The following PIWIL2 variants were observed in gnomAD, a reference collection of about 807,000 sequenced individuals.
PIWIL2 encodes piwi-like protein 2.
PIWIL2 carries 81 observed loss-of-function variants against 116.5 expected under a neutral mutation model. The ratio of observed to expected loss-of-function variants is 0.70; its 90% CI spans 0.58 to 0.84. The LOEUF (loss-of-function observed/expected upper bound fraction) is 0.84, where lower values mean the gene tolerates loss of function less well. PIWIL2 is among the 40% of genes least tolerant of loss of function. The pLI is 0.00. For missense variants in PIWIL2, 1,272 were observed against 1,212.3 expected, an observed-to-expected ratio of 1.05 and a Z score of -0.73; for synonymous variants, 489 against 429.5, an observed-to-expected ratio of 1.14 and a Z score of -1.71.
chr8:22,303,899 C>A, intron 10 of PIWIL2, 122 bp from the exon 11 acceptor site: 1 of 547,906 alleles, frequency 1.8e-6, no homozygotes, highest in Non-Finnish European at 3.1e-6. Context: ...TCTTTTAACA[C>A]AACTGGAGCC....
At chr8:22,294,237 C>T (rs769410933) in intron 10 of PIWIL2, among the ~76,000 whole-genome samples, 18 of 146,826 alleles carry the variant, frequency 1.2e-4, no homozygotes, top group Non-Finnish European at 1.8e-4. Flanking sequence ...ACTTAGGAGG[C>T]GGAGGCACGA....
chr8:22,355,798 G>T lies in PIWIL2; in HGVS notation c.*293G>T. ...GGGACCATTAAGACCTCCAGACCGGGTGCGGTGGTTCACACCTGTAATCCA... is the reference window on the plus strand; with the variant it reads ...GGGACCATTAAGACCTCCAGACCGGTTGCGGTGGTTCACACCTGTAATCCA... On this transcript the variant is annotated 3_prime_UTR_variant, in exon 23 of 23. Coordinates refer to ENST00000356766, the MANE Select transcript of PIWIL2 (RefSeq NM_018068.5). 2.8e-6 allele frequency: 1 copy of T among 354,744 alleles called. No individual in the cohort carries two copies. Among genetic ancestry groups the T allele is most frequent in the East Asian group, 5.5e-5 (1 of 18,028 alleles). 22.0% of individuals were successfully genotyped at this position (354,744 alleles called of 1,614,324 possible).
rs1421386628 is a variant in PIWIL2, at chr8:22,316,262, C to G, written c.2226C>G (p.Ile742Met). ...TAAACTAGAAACAGTTAATGGTGATCGGGATGGATGTTTACCATGACCCCA... is the reference window on the plus strand; with the variant it reads ...TAAACTAGAAACAGTTAATGGTGATGGGGATGGATGTTTACCATGACCCCA... ...VDIPLKQLMV[I>M]GMDVYHDPSR... The change falls in exon 19 of 23, where the codon ATC becomes ATG. Residue 742 changes from isoleucine (I) to methionine (M), a missense_variant. Transcript: ENST00000356766. The G allele has an allele frequency of 5.6e-6, 9 of 1,611,704 alleles. No homozygotes were observed. The East Asian group carries it at 2.0e-4, about 36-fold the overall frequency.
At chr8:22,304,540 A>T (rs1419539425) in intron 11 of PIWIL2, among the ~76,000 whole-genome samples, 1 of 152,162 alleles carries the variant, frequency 6.6e-6, no homozygotes, top group Non-Finnish European at 1.5e-5. Flanking sequence ...TGAACCCTTT[A>T]GCCTGATGTT....
In PIWIL2 at chr8:22,279,480, T is replaced by C; in HGVS notation, c.94T>C (p.Ser32Pro). 1 of 1,614,122 alleles carries C rather than the reference T, an allele frequency of 6.2e-7. No individual in the cohort carries two copies. The highest frequency in any genetic ancestry group is 8.5e-7 in the Non-Finnish European group (1 of 1,180,022). The change falls in exon 2 of 23, where the codon TCT becomes CCT. Residue 32 changes from serine to proline, a missense_variant. Physicochemically the swap from Ser to Pro is moderately conservative, Grantham distance 74. Transcript: ENST00000356766. ...GATGCCAGGCTGTTGGCCACAAGCT[T>C]CTAAACCTTTGGACCCAGCTCTGGG... ...VRMPGCWPQA[S>P]KPLDPALGRG...
rs538384647 is a variant in PIWIL2, at chr8:22,288,219, A to C, written c.862-323A>C. Among the ~76,000 whole-genome samples the C allele has an allele frequency of 1.2e-3, 181 of 149,414 alleles. 1 individual carries two copies. Among genetic ancestry groups the C allele is most frequent in the African/African-American group, 4.2e-3 (173 of 40,904 alleles). On this transcript the variant is annotated intron_variant, in intron 7 of 22. Transcript: ENST00000356766. Reference sequence around the variant, plus strand: ...AGGCTGAGGCAGGAGAATGGCGTCAACCCAGGAGGCGGAGCCTGCAGTGAG... The same window carrying C: ...AGGCTGAGGCAGGAGAATGGCGTCACCCCAGGAGGCGGAGCCTGCAGTGAG...
chr8:22,281,666 C>A, intron 4 of PIWIL2, 151 bp downstream of exon 4: 1 of 619,118 alleles, frequency 1.6e-6, no homozygotes, highest in Non-Finnish European at 2.6e-6. Flanking sequence ...TAGTCAGCAG[C>A]TGTTAACACA....
At chr8:22,287,698 G>A (rs947461579) in intron 7 of PIWIL2, 53 bp downstream of exon 7, 33 of 1,169,790 alleles carry the variant, frequency 2.8e-5, no homozygotes, top group East Asian at 1.4e-4. Flanking sequence ...GTGCTCTGGC[G>A]TTTTTTGTTT....
chr8:22,326,317 A>T (rs964979132), intron 20 of PIWIL2, among the ~76,000 whole-genome samples: 1 of 152,028 alleles, frequency 6.6e-6, no homozygotes, highest in African/African-American at 2.4e-5. Context: ...GCTCAGGAAT[A>T]TGAGACCAGC....
intron 20 of PIWIL2, among the ~76,000 whole-genome samples, chr8:22,333,953 T>C (rs1489868606): frequency 6.6e-6 from 1 of 151,210 alleles, no homozygotes; most frequent in Non-Finnish European, 1.5e-5. Context: ...GAACTACTAA[T>C]GGGTACAGAG....
intron 20 of PIWIL2, among the ~76,000 whole-genome samples, chr8:22,347,373 C>A (rs1832251895): frequency 6.6e-6 from 1 of 151,734 alleles, no homozygotes; most frequent in Admixed American, 6.6e-5. Flanking sequence ...CGCCACCACA[C>A]CCAGCTAATA....
intron 20 of PIWIL2, among the ~76,000 whole-genome samples, chr8:22,335,626 C>T (rs1156770614): frequency 6.8e-6 from 1 of 147,752 alleles, no homozygotes. Context: ...CGGCTCACTG[C>T]AGCGTCTGCC....
rs775236734 is a variant in PIWIL2 at position 22,304,875 on chromosome 8, A to G, written c.1455+7A>G. On this transcript the variant is annotated splice_region_variant and intron_variant, in intron 12 of 22. Transcript: ENST00000356766. ...ACAGGATAATCATGGGATGGTGAGTAGGGCTGTCAGGCTTACAATTCCAGC... is the reference window on the plus strand; with the variant it reads ...ACAGGATAATCATGGGATGGTGAGTGGGGCTGTCAGGCTTACAATTCCAGC... 1.3e-6 allele frequency: 2 copies of G among 1,562,112 alleles called. No homozygotes were observed. Among genetic ancestry groups the G allele is most frequent in the South Asian group, 2.2e-5 (2 of 89,890 alleles).
intron 10 of PIWIL2, among the ~76,000 whole-genome samples, chr8:22,301,960 A>C (rs1831060243): frequency 6.6e-6 from 1 of 152,158 alleles, no homozygotes; most frequent in Admixed American, 6.5e-5. Context: ...ATGTAATTTA[A>C]GGCACAAATG....
chr8:22,335,595 T>A (rs1251940037), intron 20 of PIWIL2, among the ~76,000 whole-genome samples: 1 of 145,388 alleles, frequency 6.9e-6, no homozygotes, highest in Non-Finnish European at 1.5e-5. Context: ...TTGCTCAGGC[T>A]GGAGTGCAGT....
intron 20 of PIWIL2, among the ~76,000 whole-genome samples, chr8:22,349,405 A>G (rs1586600864): frequency 8.1e-6 from 1 of 123,022 alleles, no homozygotes; most frequent in Admixed American, 8.2e-5. Flanking sequence ...TTTGTGTACA[A>G]TATATGTGTG....
At chr8:22,330,430 G>A (rs1831831074) in intron 20 of PIWIL2, among the ~76,000 whole-genome samples, 1 of 152,130 alleles carries the variant, frequency 6.6e-6, no homozygotes, top group African/African-American at 2.4e-5. Flanking sequence ...CGGGCGTGGT[G>A]GCTCACGCCT....
In PIWIL2 at chr8:22,337,570, T is replaced by TA. The variant is rs558416855; in HGVS notation, c.2404-15377dup. On this transcript the variant is annotated intron_variant, in intron 20 of 22. Coordinates refer to ENST00000356766, the MANE Select transcript of PIWIL2 (RefSeq NM_018068.5). ...TGGTGAAACCCTGTCTCTACTAAATTAAAAAAAAAAAATAGCTGGGCGTGG... is the reference window on the plus strand; with the variant it reads ...TGGTGAAACCCTGTCTCTACTAAATTAAAAAAAAAAAAATAGCTGGGCGTGG... Among the ~76,000 whole-genome samples, 333 of 140,034 alleles carry TA rather than the reference T, an allele frequency of 2.4e-3. 2 individuals are homozygous for TA. The highest frequency in any genetic ancestry group is 7.4e-3 in the Middle Eastern group (2 of 270). The allele number at this position is 140,034 out of a possible 152,430, so 91.9% of individuals were successfully genotyped here.
chr8:22,318,462 C>T (rs925884204), intron 20 of PIWIL2, among the ~76,000 whole-genome samples, 187 bp downstream of exon 20: 9 of 152,094 alleles, frequency 5.9e-5, no homozygotes, highest in Admixed American at 2.6e-4. Context: ...GGATTACAGG[C>T]GTGCACCAGC....
Sources: gnomAD v4.1 joint callset for allele counts (sites outside exome capture counted in the v4.1 genomes callset) on GRCh38, gnomAD v4.1.1 for gene constraint, MANE v1.5 for transcripts, NCBI Gene and HGNC (gene_info 2026-07-23, HGNC 2026-07-21) for gene names.